PLCB1: variants seen among roughly 807,000 people sequenced by gnomAD.
PLCB1 encodes the protein 1-phosphatidylinositol 4,5-bisphosphate phosphodiesterase beta-1.
Under a neutral mutation model 161.8 loss-of-function variants are expected in PLCB1, and 46 were observed. The ratio of observed to expected loss-of-function variants is 0.28; its 90% confidence interval spans 0.22 to 0.36. The LOEUF is 0.36. PLCB1 is among the 10% of genes least tolerant of loss of function. The pLI is 1.00. For synonymous variants in PLCB1, 517 were observed against 503.7 expected, an observed-to-expected ratio of 1.03 and a Z score of -0.35; for missense variants, 1,016 against 1,472.5, an observed-to-expected ratio of 0.69 and a Z score of 5.07.
chr20:8,547,480 C>A (rs753869629), intron 3 of PLCB1, among the ~76,000 whole-genome samples: 7 of 152,160 alleles, frequency 4.6e-5, no homozygotes, highest in Non-Finnish European at 8.8e-5. Flanking sequence ...TCACCACCAC[C>A]CACCCAGTTA....
intron 2 of PLCB1, among the ~76,000 whole-genome samples, chr20:8,254,299 T>C (rs66623426): frequency 0.1 from 15,232 of 152,022 alleles, 879 homozygotes; most frequent in East Asian, 0.17. Flanking sequence ...GTACAACATT[T>C]GCAATTGTTA....
chr20:8,644,291 G>T (rs1221977129), intron 4 of PLCB1, among the ~76,000 whole-genome samples: 14 of 150,818 alleles, frequency 9.3e-5, no homozygotes, highest in African/African-American at 3.4e-4. Context: ...CTGCCTGGCT[G>T]CCCAGTCTGG....
At chr20:8,217,979 A>C (rs1046079368) in intron 2 of PLCB1, among the ~76,000 whole-genome samples, 2 of 152,120 alleles carry the variant, frequency 1.3e-5, no homozygotes, top group African/African-American at 2.4e-5. Context: ...CAGAACTATA[A>C]GAAACAAAAC....
chr20:8,705,364 G>GTT (rs1231679232), intron 11 of PLCB1, among the ~76,000 whole-genome samples: 12 of 152,208 alleles, frequency 7.9e-5, no homozygotes, highest in African/African-American at 1.9e-4. Flanking sequence ...TCATATATTA[G>GTT]GAGTTCATTC....
At chr20:8,825,633 A>T (rs1349508043) in intron 31 of PLCB1, among the ~76,000 whole-genome samples, 1 of 152,244 alleles carries the variant, frequency 6.6e-6, no homozygotes, top group African/African-American at 2.4e-5. Flanking sequence ...TGGCTGCTGC[A>T]TTAACAATTT....
chr20:8,759,446 T>C (rs1043805806), intron 24 of PLCB1, among the ~76,000 whole-genome samples: 1 of 152,214 alleles, frequency 6.6e-6, no homozygotes, highest in African/African-American at 2.4e-5. Flanking sequence ...CCAATGGATC[T>C]TTCCTGTAAC....
chr20:8,210,004 A>T (rs529780497), intron 2 of PLCB1, among the ~76,000 whole-genome samples: 1 of 152,168 alleles, frequency 6.6e-6, no homozygotes, highest in East Asian at 1.9e-4. Flanking sequence ...CACCTGGCTG[A>T]TTTTTAACTA....
chr20:8,408,180 G>A (rs960127376), intron 3 of PLCB1, among the ~76,000 whole-genome samples: 18 of 152,194 alleles, frequency 1.2e-4, no homozygotes, highest in African/African-American at 4.1e-4. Context: ...TTCCCCTGTT[G>A]TAGAAGGTAT....
intron 3 of PLCB1, among the ~76,000 whole-genome samples, chr20:8,425,878 AAAAAGTTTTGAG>A (rs1341217404): frequency 1.3e-5 from 2 of 152,302 alleles, no homozygotes; most frequent in South Asian, 4.1e-4. Context: ...CAGAAAAAAA[AAAAAGTTTTGAG>A]AAAAGTTCTC....
At position 8,136,581 on chromosome 20, in the gene PLCB1, G is replaced by T. The variant is rs534134339; in HGVS notation, c.99+3831G>T. Reference sequence around the variant, plus strand: ...GCGGAGCTTGCAGTGAGCCGAGATCGCGCCACTGCACTCCAGCCTGGGCGA... The same window carrying T: ...GCGGAGCTTGCAGTGAGCCGAGATCTCGCCACTGCACTCCAGCCTGGGCGA... On this transcript the variant is annotated intron_variant, in intron 1 of 31. Coordinates refer to ENST00000338037, the MANE Select transcript of PLCB1 (RefSeq NM_015192.4). Among the ~76,000 whole-genome samples, 303 of 150,806 alleles carry T rather than the reference G, an allele frequency of 2.0e-3. 2 individuals carry two copies. The highest frequency in any genetic ancestry group is 6.8e-3 in the Middle Eastern group (2 of 292).
intron 4 of PLCB1, among the ~76,000 whole-genome samples, chr20:8,634,204 A>C (rs1437749308): frequency 2.6e-5 from 4 of 152,200 alleles, no homozygotes; most frequent in African/African-American, 4.8e-5. Context: ...TCACACATAA[A>C]AGAAAAATTT....
At chr20:8,793,620 G>A (rs1197335771) in intron 31 of PLCB1, among the ~76,000 whole-genome samples, 1 of 152,142 alleles carries the variant, frequency 6.6e-6, no homozygotes, top group Non-Finnish European at 1.5e-5. Flanking sequence ...ATAGGTGTGG[G>A]TGACAGACGA....
chr20:8,849,398 G>A (rs1233761603), intron 31 of PLCB1, among the ~76,000 whole-genome samples: 3 of 152,128 alleles, frequency 2.0e-5, no homozygotes, highest in African/African-American at 7.2e-5. Context: ...AAGCAGGGCC[G>A]GGTGCGGTGG....
chr20:8,371,608 C>T lies in PLCB1; in HGVS notation c.246+158C>T, dbSNP rs148907691. On this transcript the variant is annotated intron_variant, in intron 3 of 31. Coordinates refer to ENST00000338037, the MANE Select transcript of PLCB1 (RefSeq NM_015192.4). ...AAACACTTTCACTTTTATTAAAAGA[C>T]GGAAACAATGAACAAATATGTGGGC... 7.3e-3 allele frequency: 3,590 copies of T among 491,488 alleles called. 16 individuals are homozygous for T. The highest frequency in any genetic ancestry group is 8.9e-3 in the Non-Finnish European group (2,473 of 276,442). The allele number at this position is 491,488 out of a possible 1,614,324, so 30.4% of individuals were successfully genotyped here.
chr20:8,317,591 T>C (rs565458873), intron 2 of PLCB1, among the ~76,000 whole-genome samples: 1 of 152,138 alleles, frequency 6.6e-6, no homozygotes, highest in African/African-American at 2.4e-5. Context: ...TCCTTAGTAT[T>C]ATCAAAAGAA....
intron 3 of PLCB1, among the ~76,000 whole-genome samples, chr20:8,448,517 C>T (rs576827276): frequency 2.3e-4 from 35 of 152,256 alleles, no homozygotes; most frequent in African/African-American, 7.5e-4. Context: ...TGTGTTAGGG[C>T]GCCACTGAAG....
At chr20:8,587,158 C>T (rs529883295) in intron 3 of PLCB1, among the ~76,000 whole-genome samples, 46 of 143,760 alleles carry the variant, frequency 3.2e-4, no homozygotes, top group South Asian at 1.2e-3. Flanking sequence ...CTAAAACTAA[C>T]GCCAGCACTA....
chr20:8,194,040 C>T (rs74764599), intron 2 of PLCB1, among the ~76,000 whole-genome samples: 3 of 151,926 alleles, frequency 2.0e-5, no homozygotes, highest in Admixed American at 6.6e-5. Flanking sequence ...CCATGAGTCC[C>T]GGGTGATACT....
intron 23 of PLCB1, among the ~76,000 whole-genome samples, chr20:8,753,589 G>A (rs1412084037): frequency 6.6e-6 from 1 of 152,028 alleles, no homozygotes; most frequent in Non-Finnish European, 1.5e-5. Flanking sequence ...GCACAGTCCT[G>A]TCACTTCAGC....
Sources: allele counts gnomAD v4.1 joint callset (sites outside exome capture counted in the v4.1 genomes callset), GRCh38; gene constraint gnomAD v4.1.1; transcripts MANE v1.5; gene names NCBI Gene and HGNC (gene_info 2026-07-23, HGNC 2026-07-21).